C10orf90: variants seen among roughly 807,000 people sequenced by gnomAD.
C10orf90 encodes the protein chromosome 10 open reading frame 90, also known as (E2-independent) E3 ubiquitin-conjugating enzyme FATS.
In C10orf90, 56 loss-of-function variants were observed where a neutral mutation model predicts 62.5. That is an observed-to-expected ratio of 0.90 (90% confidence interval 0.72 to 1.12). The LOEUF (loss-of-function observed/expected upper bound fraction) is 1.12, where lower values mean the gene tolerates loss of function less well. Among genes scored for constraint, C10orf90 ranks in the 50% most tolerant of loss-of-function variants. The pLI, the probability that C10orf90 is intolerant of heterozygous loss-of-function variation, is 0.00. For synonymous variants in C10orf90, 386 were observed against 340.4 expected, an observed-to-expected ratio of 1.13 and a Z score of -1.47; for missense variants, 970 against 880.4, an observed-to-expected ratio of 1.10 and a Z score of -1.29.
chr10:126,523,735 C>T (rs907201387), intron 2 of C10orf90, among the ~76,000 whole-genome samples: 1 of 151,554 alleles, frequency 6.6e-6, no homozygotes, highest in African/African-American at 2.4e-5. Flanking sequence ...ACTCCCCCTT[C>T]CCACCTTCCC....
At chr10:126,497,434 C>T (rs1166823627) in intron 4 of C10orf90, among the ~76,000 whole-genome samples, 2 of 152,192 alleles carry the variant, frequency 1.3e-5, no homozygotes, top group Non-Finnish European at 2.9e-5. Flanking sequence ...CAGCTCTTCC[C>T]TTTGACTCTG....
chr10:126,504,944 G>T lies in C10orf90; in HGVS notation c.547C>A (p.Gln183Lys). 6.2e-7 allele frequency: 1 copy of T among 1,614,228 alleles called. No homozygotes were observed. Among genetic ancestry groups the T allele is most frequent in the East Asian group, 2.2e-5 (1 of 44,866 alleles). Residue 183 changes from glutamine (Q) to lysine (K), a missense_variant, in exon 4 of 10, where the codon CAA becomes AAA. Physicochemically the swap from Gln to Lys is moderately conservative, Grantham distance 53. Coordinates refer to ENST00000488181, the MANE Select transcript of C10orf90 (RefSeq NM_001350921.2). This position sits in a 1 kb window ranked among gnomAD's most constrained non-coding sequence, Gnocchi z 4.1. ...IAQSRAHHAK[Q>K]SLANRSGVNI... is the part of the protein sequence containing the mutation. ...ACTCCGCTGCGGTTAGCCAGAGATT[G>T]CTTGGCGTGATGTGCACGAGACTGA...
intron 7 of C10orf90, among the ~76,000 whole-genome samples, chr10:126,451,487 ATG>A (rs1859186984): frequency 6.6e-6 from 1 of 151,736 alleles, no homozygotes; most frequent in Non-Finnish European, 1.5e-5. Context: ...GTGTGTGTGC[ATG>A]TGTGTGTGTA....
chr10:126,627,926 CT>C (rs1360441517), intron 2 of C10orf90, among the ~76,000 whole-genome samples: 2 of 152,150 alleles, frequency 1.3e-5, no homozygotes, highest in Non-Finnish European at 2.9e-5. Context: ...ATGAATAGTG[CT>C]GGTTGATTTC....
At chr10:126,534,178 G>A (rs114654180) in intron 2 of C10orf90, among the ~76,000 whole-genome samples, 1,686 of 152,278 alleles carry the variant, frequency 0.011, 40 homozygotes, top group African/African-American at 0.038. Context: ...CCTCTGCATT[G>A]CACAGCCAGG....
chr10:126,612,550 G>T (rs1845459770), intron 2 of C10orf90, among the ~76,000 whole-genome samples: 2 of 152,262 alleles, frequency 1.3e-5, no homozygotes, highest in East Asian at 1.9e-4. Flanking sequence ...GGCCCATTTT[G>T]CCAGCCATCT....
intron 2 of C10orf90, among the ~76,000 whole-genome samples, chr10:126,576,765 A>ACC: frequency 7.4e-6 from 1 of 135,284 alleles, no homozygotes; most frequent in Non-Finnish European, 1.6e-5. Context: ...GATAATATGT[A>ACC]TATGTACATA....
At chr10:126,450,851 C>A (rs1233921427) in intron 7 of C10orf90, among the ~76,000 whole-genome samples, 3 of 152,092 alleles carry the variant, frequency 2.0e-5, no homozygotes, top group African/African-American at 7.2e-5. Flanking sequence ...GGAATTATAT[C>A]ACGCTATACA....
chr10:126,498,166 T>C (rs1312143458), intron 4 of C10orf90, among the ~76,000 whole-genome samples: 1 of 152,172 alleles, frequency 6.6e-6, no homozygotes, highest in Non-Finnish European at 1.5e-5. Flanking sequence ...TGGTGGAAGC[T>C]CTGCAGGGTA....
At chr10:126,634,202 C>T (rs1845904809) in intron 2 of C10orf90, among the ~76,000 whole-genome samples, 1 of 152,168 alleles carries the variant, frequency 6.6e-6, no homozygotes, top group African/African-American at 2.4e-5. Context: ...TAGCACTCTT[C>T]ACAGTATCCA....
chr10:126,638,529 C>A lies in C10orf90; in HGVS notation c.313+8036G>T, dbSNP rs796386852. Among the ~76,000 whole-genome samples the A allele has an allele frequency of 4.6e-5, 7 of 152,218 alleles. 1 individual carries two copies. Among genetic ancestry groups the A allele is most frequent in the African/African-American group, 1.4e-4 (6 of 41,534 alleles). Reference sequence around the variant, plus strand: ...CTGATCCCTGGGTCCCAGCTGGTCTCATTCTGCCCACTCCTCTACATCTTC... The same window carrying A: ...CTGATCCCTGGGTCCCAGCTGGTCTAATTCTGCCCACTCCTCTACATCTTC... On this transcript the variant is annotated intron_variant, in intron 2 of 9. Coordinates refer to ENST00000488181, the MANE Select transcript of C10orf90 (RefSeq NM_001350921.2).
chr10:126,615,751 A>T (rs1053558781), intron 2 of C10orf90, among the ~76,000 whole-genome samples: 1 of 152,218 alleles, frequency 6.6e-6, no homozygotes, highest in Non-Finnish European at 1.5e-5. Flanking sequence ...GATCATGGTC[A>T]TACTCACCAT....
chr10:126,621,903 G>A (rs1480784883), intron 2 of C10orf90, among the ~76,000 whole-genome samples: 4 of 152,124 alleles, frequency 2.6e-5, no homozygotes, highest in African/African-American at 4.8e-5. Flanking sequence ...ACTCTCTCTT[G>A]TTTCATGGTC....
At chr10:126,536,142 A>G (rs1378307307) in intron 2 of C10orf90, among the ~76,000 whole-genome samples, 1 of 152,206 alleles carries the variant, frequency 6.6e-6, no homozygotes, top group Non-Finnish European at 1.5e-5. Context: ...CTCCTTCGAC[A>G]GGGACAATCA....
At chr10:126,501,898 T>A (rs1334839745) in intron 4 of C10orf90, among the ~76,000 whole-genome samples, 1 of 151,646 alleles carries the variant, frequency 6.6e-6, no homozygotes, top group Non-Finnish European at 1.5e-5. Flanking sequence ...ATGATGGACT[T>A]CAGAGACTCA....
At chr10:126,474,300 C>G (rs1355067569) in intron 4 of C10orf90, among the ~76,000 whole-genome samples, 5 of 152,206 alleles carry the variant, frequency 3.3e-5, no homozygotes, top group South Asian at 4.2e-4. Context: ...TCGCGCTGGC[C>G]CATCAAGTCT....
intron 4 of C10orf90, among the ~76,000 whole-genome samples, chr10:126,491,468 A>T (rs1861770046): frequency 6.8e-6 from 1 of 147,876 alleles, no homozygotes; most frequent in Non-Finnish European, 1.5e-5. Flanking sequence ...AAGGAAAAAA[A>T]ACAAACAACA....
intron 1 of C10orf90, among the ~76,000 whole-genome samples, chr10:126,669,861 A>C (rs1409233539): frequency 6.6e-6 from 1 of 152,206 alleles, no homozygotes; most frequent in Non-Finnish European, 1.5e-5. Context: ...GGAAACAAGT[A>C]GGAATTTGCT....
chr10:126,575,549 AT>A (rs1430642866), intron 2 of C10orf90, among the ~76,000 whole-genome samples: 7 of 151,612 alleles, frequency 4.6e-5, no homozygotes, highest in African/African-American at 1.7e-4. Context: ...TACCAATGAC[AT>A]TTTTCACAGA....
Sources: gnomAD v4.1 joint callset for allele counts (sites outside exome capture counted in the v4.1 genomes callset) on GRCh38, gnomAD v4.1.1 for gene constraint, Gnocchi (gnomAD v3.1) non-coding constraint, MANE v1.5 for transcripts, NCBI Gene and HGNC (gene_info 2026-07-23, HGNC 2026-07-21) for gene names.